The following BRD8 variants were observed in gnomAD, a reference collection of about 807,000 sequenced individuals.
BRD8 encodes bromodomain containing 8.
Under a neutral mutation model 143.1 loss-of-function variants are expected in BRD8, and 67 were observed. That is an observed-to-expected ratio of 0.47 (90% CI 0.38 to 0.57). The LOEUF (loss-of-function observed/expected upper bound fraction) is 0.57. Ranked by LOEUF, BRD8 falls within the 20% of genes least tolerant of loss-of-function variation. BRD8 has a pLI of 0.00. For synonymous variants in BRD8, 505 were observed against 517.1 expected (o/e 0.98, Z 0.32); for missense variants, 1,103 against 1,503.0 (o/e 0.73, Z 4.40).
intron 15 of BRD8, 125 bp downstream of exon 15, chr5:138,163,005 G>A (rs1043479180): frequency 2.4e-6 from 2 of 834,726 alleles, no homozygotes; most frequent in East Asian, 2.7e-5. Context: ...AAAAGAGAAG[G>A]AAAGGAAAGG....
intron 2 of BRD8, among the ~76,000 whole-genome samples, chr5:138,174,863 G>C (rs1025835277): frequency 6.6e-6 from 1 of 150,918 alleles, no homozygotes; most frequent in Non-Finnish European, 1.5e-5. Flanking sequence ...TAGACTTCCT[G>C]TATGTGTGAC....
Position 138,145,703 on chromosome 5 carries a change from G to A in BRD8, c.3368+86C>T. 8 of 1,180,948 alleles carry A rather than the reference G, an allele frequency of 6.8e-6. No homozygotes were observed. The South Asian group carries it at 1.0e-4, about 15-fold the overall frequency. 73.2% of individuals were successfully genotyped at this position (1,180,948 alleles called of 1,614,324 possible). A position where few individuals can be genotyped will look rare whatever the true frequency, so the allele number is the denominator to read the frequency against. On this transcript the variant is annotated intron_variant, in intron 24 of 26. Transcript: ENST00000254900. ...TTCAACTATGGCTCATTTGAGGGATGAACATATCTCCTTTTATGCTTAAAC... is the reference window on the plus strand; with the variant it reads ...TTCAACTATGGCTCATTTGAGGGATAAACATATCTCCTTTTATGCTTAAAC...
chr5:138,146,946 G>A (rs1581404214), intron 23 of BRD8, among the ~76,000 whole-genome samples: 1 of 147,794 alleles, frequency 6.8e-6, no homozygotes, highest in African/African-American at 2.5e-5. Flanking sequence ...CTGCAGCCTG[G>A]GCGACCGAGC....
chr5:138,165,962 C>A lies in BRD8; in HGVS notation c.1144G>T (p.Gly382Ter). The change falls in exon 11 of 27, where the codon GGA (glycine) becomes TGA (stop). Residue 382 changes from glycine to a stop codon, truncating the protein, a stop_gained. Transcript: ENST00000254900. LOFTEE classifies it high-confidence loss of function. ...CCATCTATGCTGGGAGCCTTTGATCCAACAGGAGCCTCTGCTACCCCTGAT... is the reference window on the plus strand; with the variant it reads ...CCATCTATGCTGGGAGCCTTTGATCAAACAGGAGCCTCTGCTACCCCTGAT... ...FRSGVAEAPVGSKAPSIDGKE... is the reference protein window; with the variant it reads ...FRSGVAEAPV The A allele has an allele frequency of 6.2e-7, 1 of 1,614,152 alleles. No individual in the cohort carries two copies. Among genetic ancestry groups the A allele is most frequent in the Non-Finnish European group, 8.5e-7 (1 of 1,180,024 alleles).
Position 138,152,694 on chromosome 5 carries a change from C to T in BRD8, c.2644G>A (p.Asp882Asn), listed in dbSNP as rs138308684. Residue 882 changes from aspartate to asparagine, a missense_variant, in exon 21 of 27, where the codon GAC becomes AAC. Asp to Asn is a conservative substitution (Grantham distance 23). Coordinates refer to ENST00000254900, the MANE Select transcript of BRD8 (RefSeq NM_139199.2). ...DHPNDSELSN[D>N]CRSLFSSWDS... ...CATGAGCTGAAGAGGGACCTGCAGT[C>T]ATTGCTCAACTCAGAGTCATTGGGA... 2 of 1,614,196 alleles carry T rather than the reference C, an allele frequency of 1.2e-6. No individual in the cohort carries two copies. The highest frequency in any genetic ancestry group is 2.7e-5 in the African/African-American group (2 of 75,050).
intron 17 of BRD8, 122 bp downstream of exon 17, chr5:138,161,674 T>G: frequency 1.1e-6 from 1 of 878,350 alleles, no homozygotes; most frequent in East Asian, 2.7e-5. Flanking sequence ...TAGCACTCAG[T>G]GCCCCTTATA....
rs768378975 is a variant in BRD8, at chr5:138,145,908, C to G, written c.3279-30G>C. ...GAGGATAAAACATGAAGAAAAGAGA[C>G]AGTAACTTCACAAATAATATTCTAT... is the stretch of plus-strand genomic sequence containing the variant. On this transcript the variant is annotated intron_variant, in intron 23 of 26. Coordinates refer to ENST00000254900, the MANE Select transcript of BRD8 (RefSeq NM_139199.2). The G allele has an allele frequency of 9.0e-6, 14 of 1,563,070 alleles. No homozygotes were observed. In the Admixed American group the frequency reaches 2.3e-4, roughly 26 times the overall value.
chr5:138,160,799 G>A, intron 18 of BRD8, 92 bp downstream of exon 18: 2 of 1,217,364 alleles, frequency 1.6e-6, no homozygotes, highest in Non-Finnish European at 2.2e-6. Context: ...CCACGTAAAA[G>A]CCACAGCAAC....
intron 2 of BRD8, among the ~76,000 whole-genome samples, chr5:138,174,552 C>T (rs541732527): frequency 4.6e-5 from 7 of 150,800 alleles, no homozygotes; most frequent in Admixed American, 4.6e-4. Flanking sequence ...GCCAAGATTG[C>T]ACCACTGCAC....
chr5:138,152,770 C>T lies in BRD8; in HGVS notation c.2578-10G>A. 2 of 1,604,908 alleles carry T rather than the reference C, an allele frequency of 1.2e-6. No homozygotes were observed. ...CCCACTCGTGTCCCATCTGTAAATA[C>T]ACAGGAAAACATGCATTAAATTCAT... On this transcript the variant is annotated splice_polypyrimidine_tract_variant and intron_variant, in intron 20 of 26. Coordinates refer to ENST00000254900, the MANE Select transcript of BRD8 (RefSeq NM_139199.2).
At chr5:138,146,140 C>G (rs186008636) in intron 23 of BRD8, among the ~76,000 whole-genome samples, 1 of 151,650 alleles carries the variant, frequency 6.6e-6, no homozygotes, top group East Asian at 1.9e-4. Flanking sequence ...TCACTGCAAC[C>G]TCTGCCTCCC....
At chr5:138,154,944 C>T (rs947578716) in intron 20 of BRD8, among the ~76,000 whole-genome samples, 19 of 151,642 alleles carry the variant, frequency 1.3e-4, no homozygotes, top group African/African-American at 4.6e-4. Context: ...CTTCTCCTGC[C>T]TCAGCCTCCC....
At chr5:138,150,621 C>G in intron 22 of BRD8, 124 bp downstream of exon 22, 1 of 1,148,494 alleles carries the variant, frequency 8.7e-7, no homozygotes, top group Non-Finnish European at 1.2e-6. Flanking sequence ...AAAACTGGTG[C>G]TAAATCCAGG....
intron 18 of BRD8, among the ~76,000 whole-genome samples, chr5:138,160,656 T>C (rs1752935970): frequency 6.6e-6 from 1 of 152,232 alleles, no homozygotes; most frequent in Admixed American, 6.5e-5. Context: ...AAAAATTTTA[T>C]TTAAAAACTT....
chr5:138,172,119 T>C lies in BRD8; in HGVS notation c.132A>G (p.Arg44=), dbSNP rs754015518. ...CAGGTTCTGCAAAGGGCTTGATTGCTCTGCTAACTGATACCCTACAAAATG... is the reference window on the plus strand; with the variant it reads ...CAGGTTCTGCAAAGGGCTTGATTGCCCTGCTAACTGATACCCTACAAAATG... ...SGDQNWVSVS[R]AIKPFAEPGR... Residue 44 remains arginine (R), a synonymous_variant, in exon 3 of 27, where the codon AGA becomes AGG. Transcript: ENST00000254900. 4 of 1,613,304 alleles carry C rather than the reference T, an allele frequency of 2.5e-6. No individual in the cohort carries two copies. The highest frequency in any genetic ancestry group is 2.7e-5 in the African/African-American group (2 of 74,842).
intron 6 of BRD8, 76 bp from the exon 7 acceptor site, chr5:138,170,485 A>G (rs1162513485): frequency 1.3e-6 from 2 of 1,544,816 alleles, no homozygotes; most frequent in Non-Finnish European, 1.8e-6. Context: ...TTACAAAGTA[A>G]TTTTTTTTGC....
At chr5:138,145,396 A>C (rs1354095129) in intron 24 of BRD8, 151 bp from the exon 25 acceptor site, 2 of 628,998 alleles carry the variant, frequency 3.2e-6, no homozygotes, top group African/African-American at 1.8e-5. Flanking sequence ...CTTGCCAGAG[A>C]GTTAAAAAAA....
At chr5:138,165,491 C>T (rs184446846) in intron 11 of BRD8, among the ~76,000 whole-genome samples, 36 of 152,150 alleles carry the variant, frequency 2.4e-4, no homozygotes, top group African/African-American at 6.7e-4. Context: ...TTTGGGAGGC[C>T]GAGGTGGGTG....
At chr5:138,169,548 A>G (rs1357638914) in intron 7 of BRD8, among the ~76,000 whole-genome samples, 190 bp from the exon 8 acceptor site, 1 of 152,236 alleles carries the variant, frequency 6.6e-6, no homozygotes, top group Non-Finnish European at 1.5e-5. Flanking sequence ...TCCTAAGGGC[A>G]ATTCTCACAC....
Sources: allele counts gnomAD v4.1 joint callset (sites outside exome capture counted in the v4.1 genomes callset), GRCh38; gene constraint gnomAD v4.1.1; transcripts MANE v1.5; gene names NCBI Gene and HGNC (gene_info 2026-07-23, HGNC 2026-07-21).